The following CTNNA2 variants were observed in gnomAD, a reference collection of about 807,000 sequenced individuals.
CTNNA2 encodes the protein catenin alpha 2.
In CTNNA2, 42 loss-of-function variants were observed where a neutral mutation model predicts 101.0. The ratio of observed to expected loss-of-function variants is 0.42; its 90% confidence interval spans 0.32 to 0.54. The LOEUF (loss-of-function observed/expected upper bound fraction) is 0.54. Ranked by LOEUF, CTNNA2 falls within the 20% of genes least tolerant of loss-of-function variation. The probability of loss-of-function intolerance (pLI) is 0.14; values close to 1 mark genes in which losing one functional copy is unlikely to be tolerated. For synonymous variants in CTNNA2, 450 were observed against 456.4 expected, an observed-to-expected ratio of 0.99 and a Z score of 0.18; for missense variants, 871 against 1,223.1, an observed-to-expected ratio of 0.71 and a Z score of 4.29.
At chr2:80,160,924 G>T (rs1704277057) in intron 7 of CTNNA2, among the ~76,000 whole-genome samples, 1 of 151,628 alleles carries the variant, frequency 6.6e-6, no homozygotes, top group Admixed American at 6.6e-5. Flanking sequence ...CATTATATCA[G>T]GTTGAAAATG....
intron 7 of CTNNA2, among the ~76,000 whole-genome samples, chr2:80,297,632 A>G (rs1361878173): frequency 6.6e-6 from 1 of 152,168 alleles, no homozygotes; most frequent in African/African-American, 2.4e-5. Context: ...TGAATCCCAG[A>G]AAAACAAAAA....
At chr2:79,288,681 G>A (rs945746403) in intron 2 of CTNNA2, among the ~76,000 whole-genome samples, 9 of 152,236 alleles carry the variant, frequency 5.9e-5, no homozygotes, top group African/African-American at 2.2e-4. Flanking sequence ...AGTTCCAACT[G>A]CTGTTTTTCT....
At chr2:80,382,443 A>G (rs768876330) in intron 7 of CTNNA2, among the ~76,000 whole-genome samples, 4 of 152,218 alleles carry the variant, frequency 2.6e-5, no homozygotes, top group Non-Finnish European at 5.9e-5. Context: ...ATACCGTCTG[A>G]CATCGGAAAT....
At chr2:80,282,667 T>C (rs1674471567) in intron 7 of CTNNA2, among the ~76,000 whole-genome samples, 1 of 152,130 alleles carries the variant, frequency 6.6e-6, no homozygotes, top group Non-Finnish European at 1.5e-5. Context: ...GTAATAGAAA[T>C]GTACTTTTAA....
At chr2:79,563,517 G>C (rs1573354830) in intron 1 of CTNNA2, among the ~76,000 whole-genome samples, 2 of 152,174 alleles carry the variant, frequency 1.3e-5, no homozygotes, top group South Asian at 2.1e-4. Flanking sequence ...ATCATTGCTT[G>C]TCTCTAATGG....
At chr2:80,525,525 AAAAC>A (rs552943006) in intron 9 of CTNNA2, among the ~76,000 whole-genome samples, 8 of 152,252 alleles carry the variant, frequency 5.3e-5, no homozygotes, top group Non-Finnish European at 8.8e-5. Context: ...CTCAGGCAAA[AAAAC>A]AAACAACAAC....
chr2:79,765,040 T>C (rs189888232), intron 3 of CTNNA2, among the ~76,000 whole-genome samples: 1 of 152,262 alleles, frequency 6.6e-6, no homozygotes, highest in East Asian at 1.9e-4. Context: ...GGATCAGAGC[T>C]TCAACAAGAT....
chr2:80,248,076 G>A (rs569291514), intron 7 of CTNNA2, among the ~76,000 whole-genome samples: 64 of 150,532 alleles, frequency 4.3e-4, no homozygotes, highest in African/African-American at 1.4e-3. Context: ...CTACATAATC[G>A]AAACTGTGGC....
chr2:79,491,993 T>C (rs1671210711), intron 4 of CTNNA2, among the ~76,000 whole-genome samples: 1 of 152,210 alleles, frequency 6.6e-6, no homozygotes, highest in Admixed American at 6.5e-5. Context: ...AAATGCGTTA[T>C]CTAGCTCCAC....
At chr2:79,450,176 T>C (rs79383461) in intron 4 of CTNNA2, among the ~76,000 whole-genome samples, 2 of 151,910 alleles carry the variant, frequency 1.3e-5, no homozygotes, top group African/African-American at 2.4e-5. Flanking sequence ...CTTTTTTTTT[T>C]ACTATCATGA....
chr2:79,840,962 G>A (rs1040704941), intron 3 of CTNNA2, among the ~76,000 whole-genome samples: 2 of 152,124 alleles, frequency 1.3e-5, no homozygotes, highest in Non-Finnish European at 2.9e-5. Flanking sequence ...GTAGAGACGG[G>A]GTTTCACCGT....
At chr2:79,893,876 A>G (rs1684473698) in intron 6 of CTNNA2, among the ~76,000 whole-genome samples, 1 of 152,138 alleles carries the variant, frequency 6.6e-6, no homozygotes, top group Non-Finnish European at 1.5e-5. Flanking sequence ...CTTTCTCCTG[A>G]GCTCTAGACA....
chr2:80,017,429 T>C (rs951484753), intron 7 of CTNNA2, among the ~76,000 whole-genome samples: 3 of 151,994 alleles, frequency 2.0e-5, no homozygotes, highest in African/African-American at 7.3e-5. Flanking sequence ...CTGATTTACA[T>C]TGAGATATAT....
At chr2:80,066,324 C>T (rs1028600283) in intron 7 of CTNNA2, among the ~76,000 whole-genome samples, 3 of 152,012 alleles carry the variant, frequency 2.0e-5, no homozygotes, top group Admixed American at 2.0e-4. Context: ...TAACCTCTTA[C>T]ATTTGACAAG....
At chr2:79,950,480 G>A (rs1193596752) in intron 7 of CTNNA2, among the ~76,000 whole-genome samples, 4 of 152,184 alleles carry the variant, frequency 2.6e-5, no homozygotes, top group Admixed American at 6.5e-5. Context: ...AGGCTTCGCT[G>A]TGTATTGAAA....
intron 9 of CTNNA2, among the ~76,000 whole-genome samples, chr2:80,513,489 C>G (rs190784703): frequency 2.2e-4 from 34 of 152,340 alleles, no homozygotes; most frequent in African/African-American, 7.7e-4. Context: ...GTTTTCTTCA[C>G]TTTCCTCAAG....
intron 3 of CTNNA2, among the ~76,000 whole-genome samples, chr2:79,855,584 G>A (rs1418783415): frequency 6.6e-6 from 1 of 152,158 alleles, no homozygotes; most frequent in Admixed American, 6.5e-5. Context: ...TAGTGCACAA[G>A]CTCCACCTGC....
intron 5 of CTNNA2, among the ~76,000 whole-genome samples, chr2:79,507,262 C>T (rs368437096): frequency 5.3e-5 from 8 of 152,106 alleles, no homozygotes; most frequent in African/African-American, 1.4e-4. Context: ...GAGGATACTG[C>T]GGTTTGAATG....
intron 2 of CTNNA2, among the ~76,000 whole-genome samples, chr2:79,271,505 G>A (rs373238622): frequency 7.9e-5 from 12 of 152,226 alleles, no homozygotes; most frequent in Middle Eastern, 3.4e-3. Context: ...TATTCCTTAT[G>A]AAGTAGCTAA....
Sources: gnomAD v4.1 joint callset for allele counts (sites outside exome capture counted in the v4.1 genomes callset) on GRCh38, gnomAD v4.1.1 for gene constraint, MANE v1.5 for transcripts, NCBI Gene and HGNC (gene_info 2026-07-23, HGNC 2026-07-21) for gene names.